Variants in UPP1 observed in about 807,000 individuals in gnomAD.
UPP1 encodes UPase 1.
In UPP1, 25 loss-of-function variants were observed where a neutral mutation model predicts 29.6. The ratio of observed to expected loss-of-function variants is 0.85; its 90% confidence interval spans 0.62 to 1.18. The LOEUF is 1.18. Ranked by LOEUF, UPP1 falls within the 50% of genes most tolerant of loss-of-function variation. The probability of loss-of-function intolerance (pLI) is 0.00; values close to 1 mark genes in which losing one functional copy is unlikely to be tolerated. For synonymous variants in UPP1, 165 were observed against 159.8 expected, an observed-to-expected ratio of 1.03 and a Z score of -0.25; for missense variants, 368 against 410.4, an observed-to-expected ratio of 0.90 and a Z score of 0.89.
Position 48,103,316 on chromosome 7 carries a change from C to T in UPP1, c.341C>T (p.Ser114Phe), listed in dbSNP as rs201283090. 6.2e-7 allele frequency: 1 copy of T among 1,613,944 alleles called. No individual in the cohort carries two copies. Among genetic ancestry groups the T allele is most frequent in the East Asian group, 2.2e-5 (1 of 44,874 alleles). The change falls in exon 6 of 9, where the codon TCT (serine) becomes TTT (phenylalanine). Residue 114 changes from serine (S) to phenylalanine (F), a missense_variant. Ser to Phe is a radical substitution (Grantham distance 155). Transcript: ENST00000395564. The part of the protein sequence containing the change: ...LSVSHGMGIP[S>F]ISIMLHELIK... The stretch of plus-strand genomic sequence containing the variant: ...TTCCAGCATGGTATGGGCATTCCTT[C>T]TATCTCAATCATGTTGCATGAGCTC...
At position 48,103,391 on chromosome 7, in the gene UPP1, T is replaced by A. The variant is rs149849645; in HGVS notation, c.416T>A (p.Ile139Asn). 3.1e-6 allele frequency: 5 copies of A among 1,613,872 alleles called. No homozygotes were observed. The highest frequency in any genetic ancestry group is 4.2e-6 in the Non-Finnish European group (5 of 1,179,800). ...ARCSNVTIIR[I>N]GTSGGIGLEP... ...TGCTCCAACGTCACTATCATCCGCA[T>A]TGGCACTTCTGGTGGGATAGGTAAG... Residue 139 changes from isoleucine (I) to asparagine (N), a missense_variant, in exon 6 of 9, where the codon ATT (isoleucine) becomes AAT (asparagine). By Grantham distance (149) the Ile-to-Asn change is moderately radical (BLOSUM62 -3). Transcript: ENST00000395564.
intron 3 of UPP1, among the ~76,000 whole-genome samples, chr7:48,098,480 G>A (rs1792241632): frequency 1.3e-5 from 2 of 152,132 alleles, no homozygotes; most frequent in Admixed American, 1.3e-4. Context: ...AGAAATTTTT[G>A]TTCTGGAGGT....
intron 5 of UPP1, among the ~76,000 whole-genome samples, chr7:48,102,272 G>A (rs902275043): frequency 2.0e-5 from 3 of 152,184 alleles, no homozygotes; most frequent in Admixed American, 6.5e-5. Context: ...TGTAGAGGAA[G>A]GACAGTAGGG....
At chr7:48,097,212 A>G (rs1023763594) in intron 3 of UPP1, among the ~76,000 whole-genome samples, 2 of 152,138 alleles carry the variant, frequency 1.3e-5, no homozygotes, top group South Asian at 2.1e-4. Context: ...ATTATGGTAC[A>G]TGTTAAATTT....
intron 3 of UPP1, among the ~76,000 whole-genome samples, chr7:48,095,486 G>T (rs1230333472): frequency 2.0e-5 from 3 of 151,976 alleles, no homozygotes; most frequent in Non-Finnish European, 4.4e-5. Context: ...CTGGTCCTTT[G>T]TTCCTCTGTA....
chr7:48,094,959 C>T (rs1452430415), intron 3 of UPP1, 132 bp downstream of exon 3: 33 of 1,125,056 alleles, frequency 2.9e-5, no homozygotes, highest in Non-Finnish European at 3.9e-5. Context: ...AGACTGAGGC[C>T]TGGAGGGATT....
At chr7:48,095,712 A>G (rs1377644946) in intron 3 of UPP1, among the ~76,000 whole-genome samples, 1 of 151,798 alleles carries the variant, frequency 6.6e-6, no homozygotes, top group Non-Finnish European at 1.5e-5. Context: ...GAGTGGCGCA[A>G]TCTCAGCTTG....
At chr7:48,108,159 T>A in intron 8 of UPP1, 59 bp from the exon 9 acceptor site, 1 of 1,577,190 alleles carries the variant, frequency 6.3e-7, no homozygotes, top group South Asian at 1.1e-5. Context: ...CTTCATCCCG[T>A]CCCTGTGAAA....
At chr7:48,099,643 GC>G (rs1792311728) in intron 3 of UPP1, 26 bp from the exon 4 acceptor site, 2 of 1,508,352 alleles carry the variant, frequency 1.3e-6, no homozygotes, top group Non-Finnish European at 1.8e-6. Flanking sequence ...TGTTCTATAA[GC>G]CTTCCACTTT....
Position 48,107,390 on chromosome 7 carries a change from T to C in UPP1, c.676T>C (p.Ser226Pro), listed in dbSNP as rs1435446765. 1.2e-6 allele frequency: 2 copies of C among 1,613,894 alleles called. No individual in the cohort carries two copies. The highest frequency in any genetic ancestry group is 8.5e-7 in the Non-Finnish European group (1 of 1,179,878). ...GQGRLDGALC[S>P]YTEKDKQAYL... Reference sequence around the variant, plus strand: ...AGGCCGTCTGGATGGGGCTCTCTGCTCCTACACGGAGAAGGACAAGCAGGC... The same window carrying C: ...AGGCCGTCTGGATGGGGCTCTCTGCCCCTACACGGAGAAGGACAAGCAGGC... The change falls in exon 8 of 9, where the codon TCC (serine) becomes CCC (proline). Residue 226 changes from serine to proline, a missense_variant. By Grantham distance (74) the Ser-to-Pro change is moderately conservative (BLOSUM62 -1). Coordinates refer to ENST00000395564, the MANE Select transcript of UPP1 (RefSeq NM_003364.4).
chr7:48,103,634 C>T (rs2128815259), intron 6 of UPP1: 2 of 892,736 alleles, frequency 2.2e-6, no homozygotes, highest in Non-Finnish European at 3.2e-6. Flanking sequence ...AAGGGCACCA[C>T]ACCATGCATA....
At chr7:48,104,826 G>A (rs1792641393) in intron 6 of UPP1, 1 of 152,212 alleles carries the variant, frequency 6.6e-6, no homozygotes, top group African/African-American at 2.4e-5. Context: ...CCTCTGCCAG[G>A]AACTCTAGTG....
rs939498877 is a variant in UPP1, at chr7:48,090,312, G to T, written c.-74G>T. 2 of 152,392 alleles carry T rather than the reference G, an allele frequency of 1.3e-5. No individual in the cohort carries two copies. Among genetic ancestry groups the T allele is most frequent in the African/African-American group, 2.4e-5 (1 of 41,588 alleles). 9.4% of individuals were successfully genotyped at this position (152,392 alleles called of 1,614,324 possible). The stretch of plus-strand genomic sequence containing the variant: ...CGGCAGGACACTGCCTGGAACGCCT[G>T]GAGCGCCTCCCACTGCAGACGTCTG... On this transcript the variant is annotated 5_prime_UTR_variant, in exon 2 of 9. Coordinates refer to ENST00000395564, the MANE Select transcript of UPP1 (RefSeq NM_003364.4).
rs1434926093 is a variant in UPP1, at chr7:48,099,810, C to G, written c.162+23C>G. On this transcript the variant is annotated intron_variant, in intron 4 of 8. Transcript: ENST00000395564. ...AAGGTAAGAGGCCAGGTGTTGACAC[C>G]TTGGAATTTGCCTTAAGATCAACCT... 3 of 1,542,430 alleles carry G rather than the reference C, an allele frequency of 1.9e-6. No homozygotes were observed. In the East Asian group the frequency reaches 6.7e-5, roughly 35 times the overall value.
At chr7:48,094,074 T>C (rs534921252) in intron 2 of UPP1, among the ~76,000 whole-genome samples, 6 of 152,150 alleles carry the variant, frequency 3.9e-5, no homozygotes, top group African/African-American at 1.4e-4. Flanking sequence ...GCAGAAGAAT[T>C]GCCTGAACCT....
chr7:48,093,194 A>G (rs1010291404), intron 2 of UPP1, among the ~76,000 whole-genome samples: 1 of 152,136 alleles, frequency 6.6e-6, no homozygotes, highest in Non-Finnish European at 1.5e-5. Flanking sequence ...TGGAGGGAAC[A>G]TTTTTCTCCA....
At chr7:48,090,580 T>G (rs562706684) in intron 2 of UPP1, among the ~76,000 whole-genome samples, 1 of 152,334 alleles carries the variant, frequency 6.6e-6, no homozygotes, top group African/African-American at 2.4e-5. Context: ...AGACCATTGG[T>G]TCCATTCATT....
intron 3 of UPP1, among the ~76,000 whole-genome samples, chr7:48,095,831 G>C (rs375524820): frequency 6.6e-5 from 10 of 152,242 alleles, no homozygotes; most frequent in African/African-American, 2.4e-4. Context: ...ATTTTTAGTA[G>C]AGATGGGGTT....
Position 48,094,775 on chromosome 7 carries a change from G to A in UPP1, c.-9G>A. On this transcript the variant is annotated 5_prime_UTR_variant, in exon 3 of 9. Transcript: ENST00000395564. Reference sequence around the variant, plus strand: ...TTTTTTTCCTTAGGGTCCTGCCTCAGTTGGCGGAATGGCGGCCACGGGAGC... The same window carrying A: ...TTTTTTTCCTTAGGGTCCTGCCTCAATTGGCGGAATGGCGGCCACGGGAGC... 1.9e-6 allele frequency: 3 copies of A among 1,614,026 alleles called. No individual in the cohort carries two copies. The highest frequency in any genetic ancestry group is 2.2e-5 in the East Asian group (1 of 44,880).
Sources: allele counts gnomAD v4.1 joint callset (sites outside exome capture counted in the v4.1 genomes callset), GRCh38; gene constraint gnomAD v4.1.1; transcripts MANE v1.5; gene names NCBI Gene and HGNC (gene_info 2026-07-23, HGNC 2026-07-21).